The following DCAF8 variants were observed in gnomAD, a reference collection of about 807,000 sequenced individuals.
DCAF8 encodes the protein DDB1- and CUL4-associated factor 8.
DCAF8 carries 20 observed loss-of-function variants against 68.0 expected under a neutral mutation model. The observed-to-expected ratio is 0.29, with a 90% CI of 0.21 to 0.43. The LOEUF (loss-of-function observed/expected upper bound fraction) is 0.43. Among genes scored for constraint, DCAF8 ranks in the 20% least tolerant of loss-of-function variants. DCAF8 has a pLI of 1.00. For synonymous variants in DCAF8, 230 were observed against 276.9 expected, an observed-to-expected ratio of 0.83 and a Z score of 1.68; for missense variants, 460 against 771.0, an observed-to-expected ratio of 0.60 and a Z score of 4.78.
intron 11 of DCAF8, chr1:160,219,795 G>A (rs551213115): frequency 2.0e-5 from 3 of 152,322 alleles, no homozygotes; most frequent in African/African-American, 7.2e-5. Context: ...GGAAACATGA[G>A]CTTCCCTAAG....
chr1:160,241,529 A>G (rs1468920412), intron 3 of DCAF8, among the ~76,000 whole-genome samples: 2 of 152,358 alleles, frequency 1.3e-5, no homozygotes, highest in East Asian at 3.9e-4. Flanking sequence ...CTATAACTAC[A>G]TACTGCATTC....
At chr1:160,253,335 T>C (rs947708460) in intron 2 of DCAF8, among the ~76,000 whole-genome samples, 3 of 151,874 alleles carry the variant, frequency 2.0e-5, no homozygotes, top group African/African-American at 7.3e-5. Context: ...ACCCTGTCTC[T>C]AGAAAAAATT....
intron 11 of DCAF8, among the ~76,000 whole-genome samples, chr1:160,221,394 A>G (rs551810211): frequency 1.3e-5 from 2 of 152,332 alleles, no homozygotes; most frequent in East Asian, 3.9e-4. Context: ...AGAGTGAGAC[A>G]CACCTTGAAC....
At position 160,231,354 on chromosome 1, in the gene DCAF8, T is replaced by C. The variant is rs750599788; in HGVS notation, c.1013A>G (p.Tyr338Cys). Residue 338 changes from tyrosine (Y) to cysteine (C), a missense_variant, in exon 7 of 14, where the codon TAT (tyrosine) becomes TGT (cysteine). By Grantham distance (194) the Tyr-to-Cys change is radical (BLOSUM62 -2). Coordinates refer to ENST00000368074, the MANE Select transcript of DCAF8 (RefSeq NM_015726.4). ...KEKKVGLYTIYVNPANTHQFA... is the reference protein window; with the variant it reads ...KEKKVGLYTICVNPANTHQFA... ...CTGGTGGGTATTGGCAGGATTCACA[T>C]AGATCGTATACAGCCCCACTTTCTT... 5.6e-6 allele frequency: 9 copies of C among 1,614,038 alleles called. No individual in the cohort carries two copies. Among genetic ancestry groups the C allele is most frequent in the African/African-American group, 4.0e-5 (3 of 74,920 alleles).
intron 10 of DCAF8, among the ~76,000 whole-genome samples, chr1:160,224,112 A>G (rs1655388547): frequency 6.6e-6 from 1 of 152,198 alleles, no homozygotes; most frequent in Non-Finnish European, 1.5e-5. Context: ...GCAATTCAGG[A>G]CCACTGACTA....
At chr1:160,236,568 T>C (rs1002420302) in intron 6 of DCAF8, among the ~76,000 whole-genome samples, 5 of 152,122 alleles carry the variant, frequency 3.3e-5, no homozygotes, top group African/African-American at 1.2e-4. Context: ...TCATAACTAG[T>C]AGTGCCTGAT....
Position 160,215,913 on chromosome 1 carries a change from T to C in DCAF8, c.*1679A>G, listed in dbSNP as rs1040647235. 3 of 151,970 alleles carry C rather than the reference T, an allele frequency of 2.0e-5. No individual in the cohort carries two copies. The highest frequency in any genetic ancestry group is 7.3e-5 in the African/African-American group (3 of 41,298). 9.4% of individuals were successfully genotyped at this position (151,970 alleles called of 1,614,324 possible). ...TGGGAAAAGGGGCAGGAGGAAGAAGTATCTGGGAATACCATTCTCTCACTC... is the reference window on the plus strand; with the variant it reads ...TGGGAAAAGGGGCAGGAGGAAGAAGCATCTGGGAATACCATTCTCTCACTC... On this transcript the variant is annotated 3_prime_UTR_variant, in exon 14 of 14. Transcript: ENST00000368074.
intron 7 of DCAF8, 66 bp from the exon 8 acceptor site, chr1:160,225,729 G>A: frequency 7.5e-7 from 1 of 1,338,940 alleles, no homozygotes; most frequent in Non-Finnish European, 1.1e-6. Context: ...GCTGCAATTT[G>A]ATGTAGTGGC....
Position 160,240,174 on chromosome 1 carries a change from C to T in DCAF8, c.246G>A (p.Glu82=). 6.2e-7 allele frequency: 1 copy of T among 1,613,962 alleles called. No homozygotes were observed. Among genetic ancestry groups the T allele is most frequent in the Non-Finnish European group, 8.5e-7 (1 of 1,179,930 alleles). Residue 82 remains glutamate (E), a synonymous_variant, in exon 4 of 14, where the codon GAG becomes GAA. Coordinates refer to ENST00000368074, the MANE Select transcript of DCAF8 (RefSeq NM_015726.4). The stretch of plus-strand genomic sequence containing the variant: ...CATTAATGGAGTAATGACCAGTGTC[C>T]TCCATGCTGTCAGAGTCCTTATCTT... ...SGEDKDSDSM[E]DTGHYSINDE...
At chr1:160,220,835 T>C (rs1443999105) in intron 11 of DCAF8, 1 of 152,198 alleles carries the variant, frequency 6.6e-6, no homozygotes, top group African/African-American at 2.4e-5. Flanking sequence ...TTGCATGATA[T>C]AGAACTGCTG....
At chr1:160,226,456 T>C (rs762800357) in intron 7 of DCAF8, among the ~76,000 whole-genome samples, 15 of 152,184 alleles carry the variant, frequency 9.9e-5, no homozygotes, top group Non-Finnish European at 2.1e-4. Flanking sequence ...GACACACATA[T>C]TATGTGTCAA....
intron 2 of DCAF8, among the ~76,000 whole-genome samples, chr1:160,256,014 T>TTA (rs1249057112): frequency 4.5e-5 from 2 of 44,196 alleles, no homozygotes; most frequent in African/African-American, 2.9e-4. Flanking sequence ...TAAGCAAACT[T>TTA]TTTTTTTTTT....
chr1:160,218,665 G>A (rs1655201664), intron 12 of DCAF8, among the ~76,000 whole-genome samples, 184 bp downstream of exon 12: 1 of 152,136 alleles, frequency 6.6e-6, no homozygotes, highest in Non-Finnish European at 1.5e-5. Flanking sequence ...ACAAATTAGT[G>A]CCACTTCACA....
At chr1:160,242,680 C>A (rs139547966) in intron 3 of DCAF8, among the ~76,000 whole-genome samples, 31 of 152,246 alleles carry the variant, frequency 2.0e-4, no homozygotes, top group Non-Finnish European at 4.3e-4. Context: ...AAACCTTAGG[C>A]TTTGCAGACC....
At chr1:160,228,754 A>G (rs1387375774) in intron 7 of DCAF8, among the ~76,000 whole-genome samples, 2 of 152,170 alleles carry the variant, frequency 1.3e-5, no homozygotes, top group African/African-American at 2.4e-5. Flanking sequence ...TATTCCCTTG[A>G]AGTAATTCCT....
rs1411924175 is a variant in DCAF8 at position 160,218,851 on chromosome 1, C to T, written c.1558G>A (p.Asp520Asn). ...AACTTCTGCAGTCAGCCACTTACAT[C>T]TTTTAACCCTGTCAGCTCAGTGGAA... ...EASTELTGLK[D>N]VIKKNKRERD... Residue 520 changes from aspartate to asparagine, a missense_variant and splice_region_variant, in exon 12 of 14, where the codon GAT becomes AAT. Asp to Asn is a conservative substitution (Grantham distance 23). Coordinates refer to ENST00000368074, the MANE Select transcript of DCAF8 (RefSeq NM_015726.4). 2.5e-6 allele frequency: 4 copies of T among 1,614,052 alleles called. No homozygotes were observed. The highest frequency in any genetic ancestry group is 3.4e-6 in the Non-Finnish European group (4 of 1,180,018).
intron 11 of DCAF8, among the ~76,000 whole-genome samples, chr1:160,222,366 G>A (rs189127918): frequency 4.3e-4 from 66 of 152,250 alleles, no homozygotes; most frequent in African/African-American, 1.5e-3. Context: ...TGGAAAAGGT[G>A]CACGTCTAGA....
intron 11 of DCAF8, among the ~76,000 whole-genome samples, chr1:160,221,874 T>C (rs1473271295): frequency 6.6e-6 from 1 of 150,490 alleles, no homozygotes; most frequent in Non-Finnish European, 1.5e-5. Context: ...TAAGAGCTGA[T>C]TGCTCTTCAT....
intron 2 of DCAF8, among the ~76,000 whole-genome samples, chr1:160,245,950 G>GCAA (rs1463220407): frequency 1.3e-5 from 2 of 152,054 alleles, no homozygotes; most frequent in Non-Finnish European, 2.9e-5. Context: ...ACCAGCCTGA[G>GCAA]CAACATGGAG....
Sources: gnomAD v4.1 joint callset for allele counts (sites outside exome capture counted in the v4.1 genomes callset) on GRCh38, gnomAD v4.1.1 for gene constraint, MANE v1.5 for transcripts, NCBI Gene and HGNC (gene_info 2026-07-23, HGNC 2026-07-21) for gene names.